Variants in HEXB observed in about 807,000 individuals in gnomAD.
The protein encoded by HEXB is beta-hexosaminidase subunit beta.
Under a neutral mutation model 71.2 loss-of-function variants are expected in HEXB, and 51 were observed. The ratio of observed to expected loss-of-function variants is 0.72; its 90% CI spans 0.57 to 0.90. The LOEUF is 0.90. Ranked by LOEUF, HEXB falls within the 40% of genes least tolerant of loss-of-function variation. HEXB has a pLI of 0.00. For missense variants in HEXB, 617 were observed against 677.0 expected, an observed-to-expected ratio of 0.91 and a Z score of 0.98; for synonymous variants, 266 against 249.3, an observed-to-expected ratio of 1.07 and a Z score of -0.63.
chr5:74,718,757 T>G, intron 10 of HEXB, 40 bp from the exon 11 acceptor site: 2 of 1,581,628 alleles, frequency 1.3e-6, no homozygotes, highest in Non-Finnish European at 8.7e-7. Flanking sequence ...TCTACTGTTC[T>G]AGGCCTAATA....
intron 10 of HEXB, 23 bp from the exon 11 acceptor site, chr5:74,718,774 A>G (rs760379316): frequency 1.1e-5 from 17 of 1,602,830 alleles, no homozygotes; most frequent in Non-Finnish European, 1.4e-5. Flanking sequence ...AATAATATGT[A>G]TTGCAATTTG....
intron 3 of HEXB, among the ~76,000 whole-genome samples, chr5:74,694,981 T>G (rs1194365385): frequency 6.6e-6 from 1 of 151,704 alleles, no homozygotes; most frequent in East Asian, 1.9e-4. Flanking sequence ...AAAAACAAAA[T>G]AAATAAAGAT....
intron 6 of HEXB, among the ~76,000 whole-genome samples, chr5:74,710,126 G>T (rs1182024826): frequency 3.3e-5 from 5 of 152,216 alleles, no homozygotes; most frequent in East Asian, 3.9e-4. Flanking sequence ...CGCAAGCCTG[G>T]TTCAATATAC....
chr5:74,706,373 A>T (rs981878731), intron 6 of HEXB, among the ~76,000 whole-genome samples: 61 of 152,234 alleles, frequency 4.0e-4, no homozygotes, highest in African/African-American at 1.4e-3. Flanking sequence ...AGCGACACAG[A>T]AGACGGGTGA....
intron 1 of HEXB, among the ~76,000 whole-genome samples, chr5:74,645,170 A>AC (rs1747979489): frequency 1.3e-5 from 2 of 151,772 alleles, no homozygotes; most frequent in African/African-American, 4.8e-5. Context: ...CCTTATGTGT[A>AC]TTTTGTGAAT....
At chr5:74,640,544 C>G (rs1437493206) in exon 1 of HEXB, 1 of 152,204 alleles carries the variant, frequency 6.6e-6, no homozygotes, top group Admixed American at 6.5e-5. Context: ...CAGAGCGTCT[C>G]CGGAGCGCGT....
chr5:74,655,226 G>C (rs749661529), intron 1 of HEXB, among the ~76,000 whole-genome samples: 7 of 152,080 alleles, frequency 4.6e-5, no homozygotes, highest in African/African-American at 7.2e-5. Flanking sequence ...GCACTAAAAA[G>C]GGCAGCGATA....
intron 1 of HEXB, among the ~76,000 whole-genome samples, chr5:74,686,783 A>G (rs1428922947): frequency 6.6e-6 from 1 of 152,228 alleles, no homozygotes; most frequent in Non-Finnish European, 1.5e-5. Context: ...GCATTGGGAT[A>G]TTCAGAAAGA....
intron 1 of HEXB, among the ~76,000 whole-genome samples, chr5:74,650,657 C>T (rs1007688496): frequency 6.6e-5 from 10 of 152,028 alleles, no homozygotes; most frequent in Admixed American, 1.3e-4. Context: ...CGCGGTGGCT[C>T]ACGCCTGTCA....
intron 7 of HEXB, among the ~76,000 whole-genome samples, chr5:74,715,117 G>T (rs138616623): frequency 2.2e-4 from 33 of 152,310 alleles, no homozygotes; most frequent in African/African-American, 6.3e-4. Context: ...CGAAAATCAG[G>T]AGAAGCTAGA....
At chr5:74,684,963 C>T (rs1462143535), upstream of HEXB, among the ~76,000 whole-genome samples, 1 of 152,198 alleles carries the variant, frequency 6.6e-6, no homozygotes, top group Non-Finnish European at 1.5e-5. Context: ...AGGCGTGAGC[C>T]ACCACGTACG....
chr5:74,670,310 A>G (rs1748509065), intron 1 of HEXB, among the ~76,000 whole-genome samples: 1 of 151,102 alleles, frequency 6.6e-6, no homozygotes, highest in African/African-American at 2.4e-5. Flanking sequence ...AAAGCCCTGG[A>G]CTCAGCCACA....
chr5:74,707,197 T>C (rs1268499139), intron 6 of HEXB, among the ~76,000 whole-genome samples: 6 of 152,206 alleles, frequency 3.9e-5, no homozygotes, highest in African/African-American at 1.4e-4. Context: ...GGAGTGGACC[T>C]CTAGCAAACT....
intron 5 of HEXB, among the ~76,000 whole-genome samples, chr5:74,699,581 A>G (rs2112146736): frequency 6.6e-6 from 1 of 151,828 alleles, no homozygotes; most frequent in Non-Finnish European, 1.5e-5. Context: ...GGCCTTTGCT[A>G]CTCTTTTAAC....
At chr5:74,720,949 A>C (rs945428837) in intron 13 of HEXB, 169 bp from the exon 14 acceptor site, 1 of 773,538 alleles carries the variant, frequency 1.3e-6, no homozygotes, top group African/African-American at 1.7e-5. Context: ...GGTGTAACTT[A>C]GAACTCCATC....
chr5:74,655,289 A>T (rs1748196498), intron 1 of HEXB, among the ~76,000 whole-genome samples: 1 of 150,996 alleles, frequency 6.6e-6, no homozygotes, highest in Non-Finnish European at 1.5e-5. Flanking sequence ...AAACATGGAG[A>T]TAATAACCCT....
At chr5:74,674,132 C>T (rs1748587656) in intron 1 of HEXB, among the ~76,000 whole-genome samples, 1 of 152,150 alleles carries the variant, frequency 6.6e-6, no homozygotes, top group African/African-American at 2.4e-5. Flanking sequence ...GTGAGTCTGG[C>T]ACATTCTTAT....
chr5:74,665,167 A>C (rs820857), intron 1 of HEXB, among the ~76,000 whole-genome samples: 41,563 of 152,038 alleles, frequency 0.27, 5,803 homozygotes, highest in Non-Finnish European at 0.29. Flanking sequence ...CAGACTCATA[A>C]CTTAAGAGAA....
exon 1 of HEXB, chr5:74,640,483 G>T (rs1019962720): frequency 5.3e-5 from 8 of 152,286 alleles, no homozygotes; most frequent in African/African-American, 1.7e-4. Context: ...TACCGATGGC[G>T]TTCGCCTCCG....
Sources: gnomAD v4.1 joint callset for allele counts (sites outside exome capture counted in the v4.1 genomes callset) on GRCh38, gnomAD v4.1.1 for gene constraint, MANE v1.5 for transcripts, NCBI Gene and HGNC (gene_info 2026-07-23, HGNC 2026-07-21) for gene names.